HDAC4: variants seen among roughly 807,000 people sequenced by gnomAD.
HDAC4 encodes the protein histone deacetylase A.
Under a neutral mutation model 135.1 loss-of-function variants are expected in HDAC4, and 16 were observed. The ratio of observed to expected loss-of-function variants is 0.12; its 90% CI spans 0.08 to 0.18. The LOEUF (loss-of-function observed/expected upper bound fraction) is 0.18. Among genes scored for constraint, HDAC4 ranks in the 10% least tolerant of loss-of-function variants. The pLI is 1.00. For synonymous variants in HDAC4, 685 were observed against 653.4 expected (o/e 1.05, Z -0.74); for missense variants, 1,143 against 1,511.8 (o/e 0.76, Z 4.05).
chr2:239,386,450 G>A (rs557576479), intron 1 of HDAC4, among the ~76,000 whole-genome samples: 49 of 152,278 alleles, frequency 3.2e-4, no homozygotes, highest in African/African-American at 1.1e-3. Context: ...CAAGAGGAGC[G>A]TCAGCTGAGG....
At chr2:239,344,025 G>A (rs1692464284) in intron 2 of HDAC4, among the ~76,000 whole-genome samples, 1 of 152,202 alleles carries the variant, frequency 6.6e-6, no homozygotes, top group Non-Finnish European at 1.5e-5. Flanking sequence ...GGTTGACTGA[G>A]CAAGCAAGTC....
intron 3 of HDAC4, among the ~76,000 whole-genome samples, chr2:239,214,487 A>C (rs1193428434): frequency 6.6e-6 from 1 of 152,140 alleles, no homozygotes; most frequent in Admixed American, 6.5e-5. Context: ...TAGCTGAGGG[A>C]CATTTCGGGG....
chr2:239,254,701 T>G (rs559336601), intron 2 of HDAC4, among the ~76,000 whole-genome samples: 17 of 152,174 alleles, frequency 1.1e-4, no homozygotes, highest in Middle Eastern at 3.4e-3. Flanking sequence ...TCCTAAAGAA[T>G]GGAAAAAATG....
chr2:239,202,525 A>G (rs1483829774), intron 3 of HDAC4, among the ~76,000 whole-genome samples: 1 of 152,100 alleles, frequency 6.6e-6, no homozygotes, highest in African/African-American at 2.4e-5. Context: ...TGCTTGTTGC[A>G]GGGCAACCGG....
At chr2:239,058,090 C>T (rs1438867353) in intron 24 of HDAC4, among the ~76,000 whole-genome samples, 1 of 152,228 alleles carries the variant, frequency 6.6e-6, no homozygotes, top group Non-Finnish European at 1.5e-5. Flanking sequence ...GGATACCCAC[C>T]TGGGTGCTCT....
At chr2:239,078,782 G>A (rs1284472421) in intron 22 of HDAC4, among the ~76,000 whole-genome samples, 4 of 152,178 alleles carry the variant, frequency 2.6e-5, no homozygotes, top group African/African-American at 9.6e-5. Flanking sequence ...GGGATGCCAC[G>A]GGGTGAGGGT....
intron 4 of HDAC4, among the ~76,000 whole-genome samples, chr2:239,181,587 C>A (rs974321592): frequency 6.6e-6 from 1 of 152,260 alleles, no homozygotes; most frequent in Non-Finnish European, 1.5e-5. Context: ...CATAAGCAAG[C>A]TCTTGCCGTG....
chr2:239,111,809 C>A, intron 13 of HDAC4, 97 bp from the exon 14 acceptor site: 1 of 1,147,948 alleles, frequency 8.7e-7, no homozygotes, highest in Non-Finnish European at 1.3e-6. Flanking sequence ...CTCCCGTCCA[C>A]GCACAGGCCA....
chr2:239,218,270 A>T (rs566280508), intron 3 of HDAC4, among the ~76,000 whole-genome samples: 118 of 152,284 alleles, frequency 7.7e-4, no homozygotes, highest in African/African-American at 2.7e-3. Context: ...CAAAACAGAG[A>T]TATAGATCAA....
At chr2:239,123,241 C>T (rs1388259496) in intron 12 of HDAC4, among the ~76,000 whole-genome samples, 1 of 152,224 alleles carries the variant, frequency 6.6e-6, no homozygotes, top group African/African-American at 2.4e-5. Context: ...TGTGAAAGTG[C>T]TTTTGACACC....
At chr2:239,372,051 T>G (rs1345932760) in intron 1 of HDAC4, among the ~76,000 whole-genome samples, 1 of 152,142 alleles carries the variant, frequency 6.6e-6, no homozygotes, top group African/African-American at 2.4e-5. Context: ...AGAGGCATCC[T>G]CAAGGCCCCA....
chr2:239,156,159 C>T (rs1223161769), intron 7 of HDAC4, among the ~76,000 whole-genome samples: 1 of 152,244 alleles, frequency 6.6e-6, no homozygotes, highest in Non-Finnish European at 1.5e-5. Context: ...CTGAGCCCAG[C>T]TGGGATATCC....
At chr2:239,148,802 G>A (rs952414539) in intron 7 of HDAC4, among the ~76,000 whole-genome samples, 1 of 152,232 alleles carries the variant, frequency 6.6e-6, no homozygotes, top group Non-Finnish European at 1.5e-5. Context: ...CCGTTCACAC[G>A]CACCGGGCAG....
intron 4 of HDAC4, chr2:239,187,256 G>T (rs1410896420): frequency 6.6e-6 from 1 of 152,544 alleles, no homozygotes; most frequent in Non-Finnish European, 1.5e-5. Flanking sequence ...AGAGGCACAG[G>T]GCAGTGCCTG....
intron 1 of HDAC4, among the ~76,000 whole-genome samples, chr2:239,379,031 C>T (rs917811305): frequency 3.3e-5 from 5 of 151,972 alleles, no homozygotes; most frequent in African/African-American, 9.7e-5. Flanking sequence ...AGGGGTGGGA[C>T]GGGAAGGTAA....
At position 239,162,449 on chromosome 2, in the gene HDAC4, C is replaced by G. The variant is rs1033030855; in HGVS notation, c.611+1354G>C. On this transcript the variant is annotated intron_variant, in intron 6 of 26. Transcript: ENST00000543185. ...TCCTTCTGCCCTGCAACCCCACGCC[C>G]TGCCCCAGCCAGTAGGACAATGGAG... 44 of 418,524 alleles carry G rather than the reference C, an allele frequency of 1.1e-4. 1 individual carries two copies. The highest frequency in any genetic ancestry group is 1.0e-3 in the Admixed American group (42 of 40,416). 25.9% of individuals were successfully genotyped at this position (418,524 alleles called of 1,614,324 possible).
chr2:239,201,672 C>T (rs932094100), intron 3 of HDAC4, among the ~76,000 whole-genome samples: 43 of 152,334 alleles, frequency 2.8e-4, no homozygotes, highest in African/African-American at 9.9e-4. Flanking sequence ...CCCTTCTCAA[C>T]AGCACCAGAA....
intron 2 of HDAC4, among the ~76,000 whole-genome samples, chr2:239,291,189 C>T (rs573217919): frequency 3.9e-5 from 6 of 152,356 alleles, no homozygotes; most frequent in Admixed American, 1.3e-4. Context: ...TTGACTGGGA[C>T]GCTGCCGTCG....
In HDAC4 at chr2:239,315,793, C is replaced by T. The variant is rs970903059; in HGVS notation, c.22+36885G>A. Among the ~76,000 whole-genome samples the T allele has an allele frequency of 2.6e-5, 4 of 152,156 alleles. No homozygotes were observed. The East Asian group carries it at 5.8e-4, about 22-fold the overall frequency. On this transcript the variant is annotated intron_variant, in intron 2 of 26. Transcript: ENST00000543185. ...GGGATGCAAATGTAAAAAACGAAAC[C>T]GTACAAGCACTCAAAGAAAACATCT...
Sources: allele counts gnomAD v4.1 joint callset (sites outside exome capture counted in the v4.1 genomes callset), GRCh38; gene constraint gnomAD v4.1.1; transcripts MANE v1.5; gene names NCBI Gene and HGNC (gene_info 2026-07-23, HGNC 2026-07-21).